Variants in HIBCH observed in about 807,000 individuals in gnomAD.
The protein encoded by HIBCH is 3-hydroxyisobutyryl-CoA hydrolase.
In HIBCH, 50 loss-of-function variants were observed where a neutral mutation model predicts 58.2. That is an observed-to-expected ratio of 0.86 (90% confidence interval 0.68 to 1.09). The LOEUF is 1.09. HIBCH is among the 50% of genes least tolerant of loss of function. The probability of loss-of-function intolerance (pLI) is 0.00; values close to 1 mark genes in which losing one functional copy is unlikely to be tolerated. For synonymous variants in HIBCH, 151 were observed against 146.9 expected, an observed-to-expected ratio of 1.03 and a Z score of -0.20; for missense variants, 450 against 449.7, an observed-to-expected ratio of 1.00 and a Z score of -0.01.
intron 6 of HIBCH, among the ~76,000 whole-genome samples, chr2:190,264,157 A>G (rs1166355088): frequency 6.6e-6 from 1 of 152,058 alleles, no homozygotes; most frequent in Non-Finnish European, 1.5e-5. Flanking sequence ...CTAAAATATT[A>G]TCATGGCTGA....
At chr2:190,239,647 G>GTTTTTTTTTT (rs60949644) in intron 11 of HIBCH, among the ~76,000 whole-genome samples, 1 of 127,550 alleles carries the variant, frequency 7.8e-6, no homozygotes, top group African/African-American at 3.0e-5. Context: ...GTGGTTTGTA[G>GTTTTTTTTTT]TTTTTTTTTT....
chr2:190,199,682 A>G, downstream of HIBCH: 1 of 1,409,978 alleles, frequency 7.1e-7, no homozygotes. Context: ...AATGAAACCT[A>G]CCTTCTCTTG....
At chr2:190,301,364 C>T (rs926662625) in intron 2 of HIBCH, among the ~76,000 whole-genome samples, 3 of 152,212 alleles carry the variant, frequency 2.0e-5, no homozygotes, top group African/African-American at 4.8e-5. Flanking sequence ...AGAAGCACTT[C>T]AAGACCATAG....
At chr2:190,253,538 C>G (rs566797076) in intron 7 of HIBCH, among the ~76,000 whole-genome samples, 1 of 152,144 alleles carries the variant, frequency 6.6e-6, no homozygotes, top group South Asian at 2.1e-4. Flanking sequence ...AAAGGGTGCA[C>G]GTATACAGCC....
At chr2:190,298,395 G>A (rs554100206) in intron 2 of HIBCH, among the ~76,000 whole-genome samples, 78 of 152,206 alleles carry the variant, frequency 5.1e-4, no homozygotes, top group African/African-American at 1.7e-3. Context: ...TTATTTCTCC[G>A]CAGCCTCACC....
At position 190,208,891 on chromosome 2, in the gene HIBCH, C is replaced by A. The variant is rs1260531370; in HGVS notation, c.1034G>T (p.Gly345Val). Residue 345 changes from glycine (G) to valine (V), a missense_variant, in exon 13 of 14, where the codon GGC becomes GTC. Transcript: ENST00000359678. ...ACMRGHDFHE[G>V]VRAVLIDKDQ... ...CATTTGCCACTTACCAGCTCTAACG[C>A]CTTCATGAAAGTCATGACCTCTCTG... The A allele has an allele frequency of 1.9e-6, 3 of 1,613,678 alleles. No individual in the cohort carries two copies. The highest frequency in any genetic ancestry group is 2.5e-6 in the Non-Finnish European group (3 of 1,179,744).
At chr2:190,245,017 T>C in intron 10 of HIBCH, 49 bp from the exon 11 acceptor site, 1 of 1,141,200 alleles carries the variant, frequency 8.8e-7, no homozygotes, top group Non-Finnish European at 1.3e-6. Context: ...TGATTTCCTG[T>C]TTCTAACATA....
At chr2:190,241,637 A>G (rs1357773349) in intron 11 of HIBCH, among the ~76,000 whole-genome samples, 1 of 152,054 alleles carries the variant, frequency 6.6e-6, no homozygotes, top group East Asian at 1.9e-4. Context: ...TTCCTTCAGG[A>G]GCTATTGTAA....
chr2:190,267,026 G>A (rs545594379), intron 6 of HIBCH, among the ~76,000 whole-genome samples: 114 of 151,880 alleles, frequency 7.5e-4, no homozygotes, highest in Non-Finnish European at 1.3e-3. Flanking sequence ...CAAAATGCTG[G>A]GATTACAGGC....
chr2:190,242,545 C>T lies in HIBCH; in HGVS notation c.891+2342G>A, dbSNP rs543581143. On this transcript the variant is annotated intron_variant, in intron 11 of 13. Transcript: ENST00000359678. ...CAGCATTGTTGCACTGGCTTTTCCT[C>T]ATCTTCGTGTGTTTATCTACCTTTG... is the stretch of plus-strand genomic sequence containing the variant. Among the ~76,000 whole-genome samples, 9 of 152,246 alleles carry T rather than the reference C, an allele frequency of 5.9e-5. No individual in the cohort carries two copies. In the South Asian group the frequency reaches 1.9e-3, roughly 32 times the overall value.
chr2:190,235,079 A>G (rs1686229157), intron 11 of HIBCH, among the ~76,000 whole-genome samples: 2 of 152,198 alleles, frequency 1.3e-5, no homozygotes, highest in African/African-American at 4.8e-5. Flanking sequence ...ACTTAAGACA[A>G]AAGTAACTGT....
At chr2:190,249,987 T>G (rs1686716548) in intron 8 of HIBCH, among the ~76,000 whole-genome samples, 1 of 152,138 alleles carries the variant, frequency 6.6e-6, no homozygotes, top group South Asian at 2.1e-4. Flanking sequence ...GCCTATTGAG[T>G]ACTTGGAACC....
At chr2:190,297,065 A>G in intron 2 of HIBCH, 112 bp from the exon 3 acceptor site, 1 of 949,814 alleles carries the variant, frequency 1.1e-6, no homozygotes. Flanking sequence ...TAACTAAAGG[A>G]AAGAATAACT....
intron 11 of HIBCH, among the ~76,000 whole-genome samples, chr2:190,244,146 TAC>T (rs3838545): frequency 2.0e-5 from 3 of 150,740 alleles, no homozygotes; most frequent in Admixed American, 6.6e-5. Context: ...TATATATATA[TAC>T]ACACACACAC....
At chr2:190,280,573 G>C (rs1687679547) in intron 6 of HIBCH, among the ~76,000 whole-genome samples, 1 of 152,178 alleles carries the variant, frequency 6.6e-6, no homozygotes, top group Non-Finnish European at 1.5e-5. Flanking sequence ...TGTGCATTTA[G>C]ATGCAAAATT....
At chr2:190,311,640 G>T (rs548259211) in intron 1 of HIBCH, among the ~76,000 whole-genome samples, 1 of 152,218 alleles carries the variant, frequency 6.6e-6, no homozygotes, top group East Asian at 1.9e-4. Context: ...TCAGAAATAT[G>T]ACCAAAGTCT....
At position 190,296,840 on chromosome 2, in the gene HIBCH, C is replaced by T. The variant is rs763830728; in HGVS notation, c.192G>A (p.Met64Ile). The change falls in exon 3 of 14, where the codon ATG (methionine) becomes ATA (isoleucine). Residue 64 changes from methionine (M) to isoleucine (I), a missense_variant. Physicochemically the swap from Met to Ile is conservative, Grantham distance 10. Transcript: ENST00000359678. ...TTAGCTGTGGATAAATCTGCCGAATCATATTAAGAGTCAGTGCATTGAGGA... is the reference window on the plus strand; with the variant it reads ...TTAGCTGTGGATAAATCTGCCGAATTATATTAAGAGTCAGTGCATTGAGGA... ...PKFLNALTLNMIRQIYPQLKK... is the reference protein window; with the variant it reads ...PKFLNALTLNIIRQIYPQLKK... 1.2e-6 allele frequency: 2 copies of T among 1,614,014 alleles called. No homozygotes were observed. Among genetic ancestry groups the T allele is most frequent in the Non-Finnish European group, 1.7e-6 (2 of 1,179,906 alleles).
Position 190,204,776 on chromosome 2 carries a change from C to T in HIBCH, c.*341G>A. 4.0e-6 allele frequency: 1 copy of T among 248,926 alleles called. No individual in the cohort carries two copies. Among genetic ancestry groups the T allele is most frequent in the Non-Finnish European group, 7.9e-6 (1 of 127,352 alleles). The allele number at this position is 248,926 out of a possible 1,614,324, so 15.4% of individuals were successfully genotyped here. ...AAAGATCTTCACATTTTTCCATCTT[C>T]TAAAACAAGGATTGACAAACTTTTT... On this transcript the variant is annotated 3_prime_UTR_variant, in exon 14 of 14. Coordinates refer to ENST00000359678, the MANE Select transcript of HIBCH (RefSeq NM_014362.4).
intron 1 of HIBCH, 46 bp downstream of exon 1, chr2:190,319,670 A>G (rs770712534): frequency 1.3e-6 from 2 of 1,504,582 alleles, no homozygotes; most frequent in South Asian, 2.3e-5. Flanking sequence ...CACTGTGGCG[A>G]GTGCCGCTGA....
Sources: allele counts gnomAD v4.1 joint callset (sites outside exome capture counted in the v4.1 genomes callset), GRCh38; gene constraint gnomAD v4.1.1; transcripts MANE v1.5; gene names NCBI Gene and HGNC (gene_info 2026-07-23, HGNC 2026-07-21).